The following RIT1 variants were observed in gnomAD, a reference collection of about 807,000 sequenced individuals.
The protein encoded by RIT1 is GTP-binding protein Rit1.
RIT1 carries 6 observed loss-of-function variants against 25.6 expected under a neutral mutation model. The observed-to-expected ratio is 0.23, with a 90% CI of 0.13 to 0.46. The LOEUF is 0.46. RIT1 is among the 20% of genes least tolerant of loss of function. RIT1 has a pLI of 0.99. For synonymous variants in RIT1, 81 were observed against 94.1 expected (o/e 0.86, Z 0.80); for missense variants, 219 against 284.4 (o/e 0.77, Z 1.65).
At chr1:155,901,711 A>G (rs1422528603) in intron 5 of RIT1, among the ~76,000 whole-genome samples, 1 of 151,696 alleles carries the variant, frequency 6.6e-6, no homozygotes, top group Admixed American at 6.6e-5. Context: ...CCAGCTACTC[A>G]GGAGGCTAAG....
chr1:155,902,146 T>A (rs1014455491), intron 5 of RIT1, among the ~76,000 whole-genome samples: 4 of 152,136 alleles, frequency 2.6e-5, no homozygotes, highest in Non-Finnish European at 5.9e-5. Context: ...TTACAGTGTT[T>A]TTTGTAGATT....
intron 1 of RIT1, 21 bp from the exon 2 acceptor site, chr1:155,910,825 G>A (rs1172855636): frequency 3.1e-6 from 5 of 1,613,536 alleles, no homozygotes; most frequent in South Asian, 1.1e-5. Context: ...AGGAGGAAAT[G>A]CTTAATCCAG....
At position 155,910,732 on chromosome 1, in the gene RIT1, G is replaced by A; in HGVS notation, c.30C>T (p.Ser10=). The A allele has an allele frequency of 6.2e-7, 1 of 1,614,252 alleles. No individual in the cohort carries two copies. Among genetic ancestry groups the A allele is most frequent in the African/African-American group, 1.3e-5 (1 of 75,082 alleles). The change falls in exon 2 of 6, where the codon AGC becomes AGT. Residue 10 remains serine, a synonymous_variant. Coordinates refer to ENST00000368323, the MANE Select transcript of RIT1 (RefSeq NM_006912.6). MDSGTRPVG[S]CCSSPAGLSR... ...AGAGCCCAGCGGGGCTGCTACAGCA[G>A]CTACCAACTGGGCGAGTTCCAGAAT...
rs139279681 is a variant in RIT1, at chr1:155,898,492, T to TAAAAAAAAAAAAA, written c.*1883_*1895dup. The TAAAAAAAAAAAAA allele has an allele frequency of 2.9e-5, 1 of 34,314 alleles. No individual in the cohort carries two copies. Among genetic ancestry groups the TAAAAAAAAAAAAA allele is most frequent in the Non-Finnish European group, 5.6e-5 (1 of 17,782 alleles). The allele number at this position is 34,314 out of a possible 1,614,324, so 2.1% of individuals were successfully genotyped here. A position where few individuals can be genotyped will look rare whatever the true frequency, so the allele number is the denominator to read the frequency against. On this transcript the variant is annotated 3_prime_UTR_variant, in exon 6 of 6. Coordinates refer to ENST00000368323, the MANE Select transcript of RIT1 (RefSeq NM_006912.6). ...AACATAGTGAAACCTCATCTCTATT[T>TAAAAAAAAAAAAA]AAAAAAAAAAAAAAAAAAAAAAAAA...
At position 155,898,491 on chromosome 1, in the gene RIT1, T is replaced by C. The variant is rs1341873934; in HGVS notation, c.*1897A>G. The C allele has an allele frequency of 5.1e-5, 3 of 58,936 alleles. No individual in the cohort carries two copies. Among genetic ancestry groups the C allele is most frequent in the Non-Finnish European group, 8.8e-5 (3 of 34,010 alleles). The allele number at this position is 58,936 out of a possible 1,614,324, so 3.7% of individuals were successfully genotyped here. A position where few individuals can be genotyped will look rare whatever the true frequency, so the allele number is the denominator to read the frequency against. On this transcript the variant is annotated 3_prime_UTR_variant, in exon 6 of 6. Coordinates refer to ENST00000368323, the MANE Select transcript of RIT1 (RefSeq NM_006912.6). Reference sequence around the variant, plus strand: ...CAACATAGTGAAACCTCATCTCTATTTAAAAAAAAAAAAAAAAAAAAAAAA... The same window carrying C: ...CAACATAGTGAAACCTCATCTCTATCTAAAAAAAAAAAAAAAAAAAAAAAA...
chr1:155,900,241 T>G lies in RIT1; in HGVS notation c.*147A>C, dbSNP rs1163579838. ...TCATACTTAACTAAGAGACAATACTTTAAATACCACATCATTAAAAACTCC... is the reference window on the plus strand; with the variant it reads ...TCATACTTAACTAAGAGACAATACTGTAAATACCACATCATTAAAAACTCC... On this transcript the variant is annotated 3_prime_UTR_variant, in exon 6 of 6. Transcript: ENST00000368323. The G allele has an allele frequency of 6.2e-6, 4 of 642,406 alleles. No individual in the cohort carries two copies. The highest frequency in any genetic ancestry group is 1.1e-5 in the Non-Finnish European group (4 of 363,066). The allele number at this position is 642,406 out of a possible 1,614,324, so 39.8% of individuals were successfully genotyped here. A position where few individuals can be genotyped will look rare whatever the true frequency, so the allele number is the denominator to read the frequency against.
chr1:155,899,693 G>A lies in RIT1; in HGVS notation c.*695C>T, dbSNP rs1163626752. The A allele has an allele frequency of 4.4e-6, 1 of 226,042 alleles. No homozygotes were observed. The highest frequency in any genetic ancestry group is 2.2e-5 in the African/African-American group (1 of 44,956). 14.0% of individuals were successfully genotyped at this position (226,042 alleles called of 1,614,324 possible). On this transcript the variant is annotated 3_prime_UTR_variant, in exon 6 of 6. Coordinates refer to ENST00000368323, the MANE Select transcript of RIT1 (RefSeq NM_006912.6). Reference sequence around the variant, plus strand: ...ATGAAGAGTAAAATAAGGTTCCCAGGAGAAACCTTCATCACATTTTATGCT... The same window carrying A: ...ATGAAGAGTAAAATAAGGTTCCCAGAAGAAACCTTCATCACATTTTATGCT...
At chr1:155,910,190 T>A (rs1024764109) in intron 3 of RIT1, 1 of 465,888 alleles carries the variant, frequency 2.1e-6, no homozygotes, top group African/African-American at 2.0e-5. Context: ...GTGGCCTGTA[T>A]ACAACCATAA....
Position 155,898,831 on chromosome 1 carries a change from AG to A in RIT1, c.*1556del, listed in dbSNP as rs1402069258. 1 of 193,454 alleles carries A rather than the reference AG, an allele frequency of 5.2e-6. No homozygotes were observed. Among genetic ancestry groups the A allele is most frequent in the Non-Finnish European group, 1.1e-5 (1 of 92,698 alleles). The allele number at this position is 193,454 out of a possible 1,614,324, so 12.0% of individuals were successfully genotyped here. On this transcript the variant is annotated 3_prime_UTR_variant, in exon 6 of 6. Transcript: ENST00000368323. ...GGAGTTTAAAAAGGGACCACTACTCAGAGCTAAAAAAGTTCTAACAGTCACT... is the reference window on the plus strand; with the variant it reads ...GGAGTTTAAAAAGGGACCACTACTCAAGCTAAAAAAGTTCTAACAGTCACT...
intron 5 of RIT1, among the ~76,000 whole-genome samples, chr1:155,902,082 T>C (rs879114626): frequency 6.6e-6 from 1 of 152,252 alleles, no homozygotes; most frequent in South Asian, 2.1e-4. Flanking sequence ...TTAATATGTA[T>C]TTATAAAGTA....
rs909381618 is a variant in RIT1 at position 155,898,698 on chromosome 1, T to C, written c.*1690A>G. 5.2e-6 allele frequency: 1 copy of C among 192,282 alleles called. No homozygotes were observed. The highest frequency in any genetic ancestry group is 2.3e-5 in the African/African-American group (1 of 43,012). The allele number at this position is 192,282 out of a possible 1,614,324, so 11.9% of individuals were successfully genotyped here. A position where few individuals can be genotyped will look rare whatever the true frequency, so the allele number is the denominator to read the frequency against. ...ACTTTGATGCTTTTCCAAAGTGCTA[T>C]AGTTCCTGTGAGATTTGTGTCCTGC... On this transcript the variant is annotated 3_prime_UTR_variant, in exon 6 of 6. Transcript: ENST00000368323.
intron 3 of RIT1, among the ~76,000 whole-genome samples, chr1:155,909,014 G>A (rs1673517731): frequency 6.6e-6 from 1 of 152,094 alleles, no homozygotes; most frequent in Non-Finnish European, 1.5e-5. Flanking sequence ...GGGAAACAGA[G>A]CAGCAGAGGC....
At chr1:155,904,184 C>T in intron 5 of RIT1, 127 bp downstream of exon 5, 1 of 712,020 alleles carries the variant, frequency 1.4e-6, no homozygotes, top group Non-Finnish European at 2.3e-6. Flanking sequence ...TGTGAGCCAC[C>T]TCACCCAGCC....
At chr1:155,908,315 C>T (rs12144175) in intron 3 of RIT1, among the ~76,000 whole-genome samples, 43,282 of 150,566 alleles carry the variant, frequency 0.29, 6,900 homozygotes, top group East Asian at 0.75. Flanking sequence ...ATTAGCCGGG[C>T]GTGGTGATGG....
rs1213872994 is a variant in RIT1, at chr1:155,900,319, G to A, written c.*69C>T. On this transcript the variant is annotated 3_prime_UTR_variant, in exon 6 of 6. Transcript: ENST00000368323. ...AGTGAAAGAGCAAGCACCATACTCA[G>A]TACTGCAGGTTACTGGACTGCTTTG... 5 of 1,087,608 alleles carry A rather than the reference G, an allele frequency of 4.6e-6. No homozygotes were observed. The highest frequency in any genetic ancestry group is 7.0e-6 in the Non-Finnish European group (5 of 714,294). 67.4% of individuals were successfully genotyped at this position (1,087,608 alleles called of 1,614,324 possible). A position where few individuals can be genotyped will look rare whatever the true frequency, so the allele number is the denominator to read the frequency against.
rs993143403 is a variant in RIT1 at position 155,900,085 on chromosome 1, C to T, written c.*303G>A. On this transcript the variant is annotated 3_prime_UTR_variant, in exon 6 of 6. Coordinates refer to ENST00000368323, the MANE Select transcript of RIT1 (RefSeq NM_006912.6). ...TCCCTTGTGAACTTAGTCAAACACA[C>T]ATGGTATACATATTCTCCTGGGTAT... is the stretch of plus-strand genomic sequence containing the variant. 5.7e-6 allele frequency: 2 copies of T among 351,872 alleles called. No individual in the cohort carries two copies. The highest frequency in any genetic ancestry group is 1.0e-5 in the Non-Finnish European group (2 of 191,992). 21.8% of individuals were successfully genotyped at this position (351,872 alleles called of 1,614,324 possible). A position where few individuals can be genotyped will look rare whatever the true frequency, so the allele number is the denominator to read the frequency against.
chr1:155,902,840 C>T (rs1673339976), intron 5 of RIT1, among the ~76,000 whole-genome samples: 1 of 150,708 alleles, frequency 6.6e-6, no homozygotes, highest in Admixed American at 6.6e-5. Context: ...GAGACTCTGT[C>T]TCAAAACAAC....
rs879240896 is a variant in RIT1 at position 155,898,848 on chromosome 1, AAC to A, written c.*1538_*1539del. On this transcript the variant is annotated 3_prime_UTR_variant, in exon 6 of 6. Coordinates refer to ENST00000368323, the MANE Select transcript of RIT1 (RefSeq NM_006912.6). ...CACTACTCAGAGCTAAAAAAGTTCT[AAC>A]AGTCACTTTTTAAAAAAGCTAGTTT... 5.1e-6 allele frequency: 1 copy of A among 195,174 alleles called. No homozygotes were observed. The highest frequency in any genetic ancestry group is 1.1e-5 in the Non-Finnish European group (1 of 93,810). The allele number at this position is 195,174 out of a possible 1,614,324, so 12.1% of individuals were successfully genotyped here. A position where few individuals can be genotyped will look rare whatever the true frequency, so the allele number is the denominator to read the frequency against.
intron 5 of RIT1, among the ~76,000 whole-genome samples, chr1:155,901,722 G>GT (rs1470829036): frequency 6.6e-6 from 1 of 152,094 alleles, no homozygotes; most frequent in East Asian, 1.9e-4. Context: ...GGAGGCTAAG[G>GT]TAAGAGGATC....
Sources: allele counts gnomAD v4.1 joint callset (sites outside exome capture counted in the v4.1 genomes callset), GRCh38; gene constraint gnomAD v4.1.1; transcripts MANE v1.5; gene names NCBI Gene and HGNC (gene_info 2026-07-23, HGNC 2026-07-21).